CHD7: variants seen among roughly 807,000 people sequenced by gnomAD.
CHD7 encodes the protein chromodomain helicase DNA binding protein 7.
A neutral mutation model predicts 307.3 loss-of-function variants in CHD7; 24 were observed. That is an observed-to-expected ratio of 0.08 (90% confidence interval 0.06 to 0.11). The LOEUF (loss-of-function observed/expected upper bound fraction) is 0.11, where lower values mean the gene tolerates loss of function less well. CHD7 is among the 10% of genes least tolerant of loss of function. The pLI is 1.00. For missense variants in CHD7, 3,106 were observed against 3,727.1 expected, an observed-to-expected ratio of 0.83 and a Z score of 4.34; for synonymous variants, 1,363 against 1,349.9, an observed-to-expected ratio of 1.01 and a Z score of -0.21.
At chr8:60,792,777 T>C (rs1300856720) in intron 3 of CHD7, among the ~76,000 whole-genome samples, 2 of 152,214 alleles carry the variant, frequency 1.3e-5, no homozygotes, top group Non-Finnish European at 2.9e-5. Context: ...TTAAACCGTG[T>C]ACATCGCTCT....
intron 1 of CHD7, among the ~76,000 whole-genome samples, chr8:60,737,421 GT>G (rs761037905): frequency 6.6e-6 from 1 of 152,266 alleles, no homozygotes; most frequent in Non-Finnish European, 1.5e-5. Context: ...TCACTAAAAT[GT>G]TTTGTAGAAG....
In CHD7 at chr8:60,853,243, G is replaced by A. The variant is rs1247555658; in HGVS notation, c.6518G>A (p.Gly2173Asp). The A allele has an allele frequency of 5.6e-6, 9 of 1,613,816 alleles. No individual in the cohort carries two copies. Among genetic ancestry groups the A allele is most frequent in the Non-Finnish European group, 5.9e-6 (7 of 1,179,782 alleles). ...QDERVLEQAEGKVEEPENPAA... is the reference protein window; with the variant it reads ...QDERVLEQAEDKVEEPENPAA... ...GAGAGGGTACTGGAACAAGCCGAAG[G>A]CAAAGTGGAGGAGCCTGAAAACCCA... The change falls in exon 31 of 38, where the codon GGC becomes GAC. Residue 2173 changes from glycine to aspartate, a missense_variant. By Grantham distance (94) the Gly-to-Asp change is moderately conservative. Coordinates refer to ENST00000423902, the MANE Select transcript of CHD7 (RefSeq NM_017780.4).
chr8:60,836,808 G>A lies in CHD7; in HGVS notation c.3990-9G>A, dbSNP rs754476891. The A allele has an allele frequency of 9.9e-6, 16 of 1,612,326 alleles. No homozygotes were observed. Among genetic ancestry groups the A allele is most frequent in the Non-Finnish European group, 1.4e-5 (16 of 1,178,810 alleles). On this transcript the variant is annotated splice_polypyrimidine_tract_variant and intron_variant, in intron 16 of 37. Coordinates refer to ENST00000423902, the MANE Select transcript of CHD7 (RefSeq NM_017780.4). Reference sequence around the variant, plus strand: ...GTCAGGCCTCCTTGTTCACACTGATGTTTTCTAGGTACCCATATGAAAGGA... The same window carrying A: ...GTCAGGCCTCCTTGTTCACACTGATATTTTCTAGGTACCCATATGAAAGGA...
At chr8:60,862,772 AT>A (rs1439291284) in intron 37 of CHD7, 120 bp downstream of exon 37, 2 of 655,524 alleles carry the variant, frequency 3.1e-6, no homozygotes, top group African/African-American at 3.6e-5. Context: ...AAGAATTGAC[AT>A]AATACATCAT....
intron 14 of CHD7, among the ~76,000 whole-genome samples, chr8:60,829,048 T>C (rs1040268701): frequency 1.3e-5 from 2 of 152,216 alleles, no homozygotes; most frequent in African/African-American, 4.8e-5. Flanking sequence ...TACATACCTG[T>C]TGATGTAATT....
chr8:60,742,860 G>A lies in CHD7; in HGVS notation c.1428G>A (p.Arg476=). ...CAAGGGAATTGACTGGGCACATGAG[G>A]CCAAATGGTTGTCCTGGTGTTGGCC... ...SAPRELTGHM[R]PNGCPGVGLG... Residue 476 remains arginine (R), a synonymous_variant, in exon 2 of 38, where the codon AGG becomes AGA. Transcript: ENST00000423902. 6.2e-7 allele frequency: 1 copy of A among 1,612,644 alleles called. No individual in the cohort carries two copies. Among genetic ancestry groups the A allele is most frequent in the Non-Finnish European group, 8.5e-7 (1 of 1,179,196 alleles).
At chr8:60,699,050 T>G (rs1192531915) in intron 1 of CHD7, among the ~76,000 whole-genome samples, 1 of 152,228 alleles carries the variant, frequency 6.6e-6, no homozygotes, top group African/African-American at 2.4e-5. Context: ...TGGCTGACTC[T>G]GGAGCTTTCA....
At chr8:60,811,767 C>G (rs1464547084) in intron 7 of CHD7, among the ~76,000 whole-genome samples, 2 of 152,062 alleles carry the variant, frequency 1.3e-5, no homozygotes, top group East Asian at 3.9e-4. Flanking sequence ...AATTCCCTTC[C>G]TTCATGTTGT....
chr8:60,714,117 G>A (rs1807425115), intron 1 of CHD7, among the ~76,000 whole-genome samples: 2 of 151,784 alleles, frequency 1.3e-5, no homozygotes, highest in African/African-American at 2.4e-5. Flanking sequence ...GCTGGGCCGC[G>A]CTTCCGGGAT....
chr8:60,679,371 G>A (rs1308829172), intron 1 of CHD7, among the ~76,000 whole-genome samples: 3 of 146,074 alleles, frequency 2.1e-5, no homozygotes, highest in Non-Finnish European at 4.6e-5. Context: ...CGGCGGCGGC[G>A]GGGGCGCGCG....
Position 60,806,585 on chromosome 8 carries a change from T to G in CHD7, c.2443-1632T>G, listed in dbSNP as rs191057459. Among the ~76,000 whole-genome samples the G allele has an allele frequency of 5.4e-4, 83 of 152,372 alleles. 1 individual carries two copies. Among genetic ancestry groups the G allele is most frequent in the Admixed American group, 1.2e-3 (19 of 15,306 alleles). On this transcript the variant is annotated intron_variant, in intron 6 of 37. Transcript: ENST00000423902. ...GGTGTTCTGATACATTGGTTTAAAA[T>G]AGTGCTTTATAGTTATTACGTTTCA...
intron 1 of CHD7, among the ~76,000 whole-genome samples, chr8:60,689,897 CA>C (rs1806110295): frequency 6.6e-6 from 1 of 152,160 alleles, no homozygotes; most frequent in African/African-American, 2.4e-5. Context: ...AGTGTTTATC[CA>C]AGATGTAATT....
At chr8:60,812,875 C>T (rs1812879237) in intron 7 of CHD7, among the ~76,000 whole-genome samples, 2 of 151,536 alleles carry the variant, frequency 1.3e-5, no homozygotes, top group South Asian at 4.2e-4. Flanking sequence ...GATCTATTTC[C>T]CTAGTAGCTT....
At chr8:60,693,304 C>T (rs746996164) in intron 1 of CHD7, among the ~76,000 whole-genome samples, 1 of 152,234 alleles carries the variant, frequency 6.6e-6, no homozygotes, top group African/African-American at 2.4e-5. Context: ...CCTTTCCTTG[C>T]TTCCTTCCTG....
chr8:60,852,458 T>G, intron 29 of CHD7, 40 bp from the exon 30 acceptor site: 1 of 1,554,974 alleles, frequency 6.4e-7, no homozygotes, highest in Non-Finnish European at 8.8e-7. Context: ...TTAAGTCTTT[T>G]CCTGAAGTAT....
At chr8:60,680,833 C>T (rs1430633714) in intron 1 of CHD7, among the ~76,000 whole-genome samples, 3 of 152,168 alleles carry the variant, frequency 2.0e-5, no homozygotes, top group Non-Finnish European at 4.4e-5. Context: ...TTTTTAGTTT[C>T]CCATTGTATA....
intron 2 of CHD7, among the ~76,000 whole-genome samples, chr8:60,749,657 G>A (rs1360751735): frequency 6.6e-6 from 1 of 152,140 alleles, no homozygotes; most frequent in Admixed American, 6.5e-5. Flanking sequence ...GCAGGTATAT[G>A]CACCTTCAGA....
intron 24 of CHD7, 106 bp from the exon 25 acceptor site, chr8:60,848,945 T>G (rs1805328393): frequency 2.2e-6 from 2 of 910,910 alleles, no homozygotes; most frequent in African/African-American, 3.3e-5. Context: ...CTCCCCACCA[T>G]GCTCAGATGT....
intron 7 of CHD7, among the ~76,000 whole-genome samples, chr8:60,810,889 C>T (rs1157009583): frequency 6.6e-6 from 1 of 152,158 alleles, no homozygotes; most frequent in Non-Finnish European, 1.5e-5. Context: ...AGGAGGTGAG[C>T]GGCAGGCGAC....
Sources: gnomAD v4.1 joint callset for allele counts (sites outside exome capture counted in the v4.1 genomes callset) on GRCh38, gnomAD v4.1.1 for gene constraint, MANE v1.5 for transcripts, NCBI Gene and HGNC (gene_info 2026-07-23, HGNC 2026-07-21) for gene names.